MYO10: variants seen among roughly 807,000 people sequenced by gnomAD.
The protein encoded by MYO10 is unconventional myosin-X.
In MYO10, 133 loss-of-function variants were observed where a neutral mutation model predicts 257.3. The ratio of observed to expected loss-of-function variants is 0.52; its 90% CI spans 0.45 to 0.60. MYO10 has a LOEUF of 0.60. Ranked by LOEUF, MYO10 falls within the 20% of genes least tolerant of loss-of-function variation. The pLI is 0.00. For synonymous variants in MYO10, 1,104 were observed against 1,028.6 expected (o/e 1.07, Z -1.40); for missense variants, 2,399 against 2,635.7 (o/e 0.91, Z 1.97).
intron 2 of MYO10, among the ~76,000 whole-genome samples, chr5:16,835,496 T>G (rs936675656): frequency 8.5e-5 from 12 of 140,508 alleles, no homozygotes; most frequent in African/African-American, 2.7e-4. Context: ...TTGGCTGTTT[T>G]TTTTTTTTTT....
chr5:16,783,200 C>G lies in MYO10; in HGVS notation c.602+135G>C, dbSNP rs558528860. The stretch of plus-strand genomic sequence containing the variant: ...GATATTACTATGTGCATGGCAAGAC[C>G]TTTTCTTAAGGAATTGTAAAAGAGA... On this transcript the variant is annotated intron_variant, in intron 5 of 40. Transcript: ENST00000513610. 504 of 926,210 alleles carry G rather than the reference C, an allele frequency of 5.4e-4. 2 individuals carry two copies. In the African/African-American group the frequency reaches 7.3e-3, roughly 13 times the overall value. The allele number at this position is 926,210 out of a possible 1,614,324, so 57.4% of individuals were successfully genotyped here.
intron 1 of MYO10, among the ~76,000 whole-genome samples, chr5:16,910,962 A>G (rs1034097969): frequency 8.5e-5 from 13 of 152,206 alleles, no homozygotes; most frequent in African/African-American, 3.1e-4. Context: ...TAAATAAAAA[A>G]AAAGACATTA....
intron 1 of MYO10, among the ~76,000 whole-genome samples, chr5:16,894,632 G>A (rs1745168522): frequency 6.6e-6 from 1 of 152,208 alleles, no homozygotes. Context: ...TAACAACACA[G>A]ATACTGTGCC....
intron 1 of MYO10, among the ~76,000 whole-genome samples, chr5:16,934,083 G>A (rs1056759453): frequency 1.3e-5 from 2 of 152,202 alleles, no homozygotes; most frequent in Non-Finnish European, 2.9e-5. Context: ...ATTGATCACA[G>A]AAATAAAATC....
At chr5:16,748,762 A>G (rs1393686307) in intron 19 of MYO10, among the ~76,000 whole-genome samples, 1 of 152,196 alleles carries the variant, frequency 6.6e-6, no homozygotes, top group Non-Finnish European at 1.5e-5. Flanking sequence ...TCATGCTTCC[A>G]TAATGTCTGC....
intron 2 of MYO10, among the ~76,000 whole-genome samples, chr5:16,827,736 A>T (rs1170713195): frequency 6.6e-6 from 1 of 152,212 alleles, no homozygotes; most frequent in East Asian, 1.9e-4. Context: ...TTCAATGCCC[A>T]GTGTATCCTT....
At chr5:16,733,258 A>G (rs1739658696) in intron 19 of MYO10, among the ~76,000 whole-genome samples, 1 of 152,238 alleles carries the variant, frequency 6.6e-6, no homozygotes, top group Non-Finnish European at 1.5e-5. Flanking sequence ...CATCAGATTT[A>G]TATTAGTGGA....
At chr5:16,719,702 G>A (rs1287188483) in intron 19 of MYO10, among the ~76,000 whole-genome samples, 1 of 152,116 alleles carries the variant, frequency 6.6e-6, no homozygotes, top group African/African-American at 2.4e-5. Context: ...GGTGGCTCAC[G>A]CCTATAATCC....
At chr5:16,769,516 T>G (rs1324622513) in intron 9 of MYO10, among the ~76,000 whole-genome samples, 1 of 152,140 alleles carries the variant, frequency 6.6e-6, no homozygotes, top group African/African-American at 2.4e-5. Flanking sequence ...TTGTGTGTGT[T>G]TTTTGTAGAG....
At chr5:16,799,640 G>A (rs1181619287) in intron 3 of MYO10, among the ~76,000 whole-genome samples, 2 of 152,052 alleles carry the variant, frequency 1.3e-5, no homozygotes, top group Non-Finnish European at 2.9e-5. Flanking sequence ...TAACAGGTGT[G>A]TGCCCCTACG....
At chr5:16,770,675 G>A (rs540582855) in intron 9 of MYO10, among the ~76,000 whole-genome samples, 9 of 152,334 alleles carry the variant, frequency 5.9e-5, no homozygotes, top group African/African-American at 1.9e-4. Flanking sequence ...AGGAGAGTGG[G>A]AAGAAGGAAA....
At chr5:16,702,375 G>A (rs113830423) in intron 24 of MYO10, among the ~76,000 whole-genome samples, 168 bp downstream of exon 24, 109 of 152,298 alleles carry the variant, frequency 7.2e-4, no homozygotes, top group African/African-American at 2.4e-3. Flanking sequence ...CATTCACTAC[G>A]CTTTACCCAA....
At chr5:16,783,538 T>C (rs562023587) in intron 4 of MYO10, 69 bp from the exon 5 acceptor site, 5 of 1,481,366 alleles carry the variant, frequency 3.4e-6, no homozygotes, top group African/African-American at 2.8e-5. Flanking sequence ...CTTTGGTCAA[T>C]GGCACTATAA....
At chr5:16,858,030 G>A (rs1230522219) in intron 2 of MYO10, among the ~76,000 whole-genome samples, 2 of 152,332 alleles carry the variant, frequency 1.3e-5, no homozygotes, top group East Asian at 1.9e-4. Context: ...CGGTCCATAC[G>A]TGAAGCTTTG....
intron 27 of MYO10, 91 bp from the exon 28 acceptor site, chr5:16,690,010 T>C: frequency 1.1e-6 from 1 of 946,898 alleles, no homozygotes; most frequent in Non-Finnish European, 1.7e-6. Context: ...TGACTAGAGT[T>C]GGGAACTGTC....
chr5:16,854,892 C>A (rs911372336), intron 2 of MYO10, among the ~76,000 whole-genome samples: 1 of 151,858 alleles, frequency 6.6e-6, no homozygotes, highest in Admixed American at 6.6e-5. Flanking sequence ...ATTAGCCGGG[C>A]GTGCGTGGCG....
chr5:16,737,524 C>T (rs1424156141), intron 19 of MYO10, among the ~76,000 whole-genome samples: 1 of 152,192 alleles, frequency 6.6e-6, no homozygotes, highest in Non-Finnish European at 1.5e-5. Context: ...AAACGATACA[C>T]CATTTTCTAT....
chr5:16,818,449 T>C (rs879650397), intron 2 of MYO10, among the ~76,000 whole-genome samples: 7 of 150,564 alleles, frequency 4.6e-5, no homozygotes, highest in African/African-American at 7.4e-5. Flanking sequence ...TTGTTGTTGT[T>C]GTTTTGAGGC....
intron 19 of MYO10, 66 bp from the exon 20 acceptor site, chr5:16,711,311 A>T: frequency 6.6e-7 from 1 of 1,504,762 alleles, no homozygotes; most frequent in Non-Finnish European, 9.0e-7. Context: ...AGGGAGGCTT[A>T]ATAAAGCCAC....
Sources: allele counts gnomAD v4.1 joint callset (sites outside exome capture counted in the v4.1 genomes callset), GRCh38; gene constraint gnomAD v4.1.1; transcripts MANE v1.5; gene names NCBI Gene and HGNC (gene_info 2026-07-23, HGNC 2026-07-21).